The following XRN1 variants were observed in gnomAD, a reference collection of about 807,000 sequenced individuals.
The protein encoded by XRN1 is 5'-3' exoribonuclease 1.
In XRN1, 67 loss-of-function variants were observed where a neutral mutation model predicts 222.3. The ratio of observed to expected loss-of-function variants is 0.30; its 90% CI spans 0.25 to 0.37. XRN1 has a LOEUF of 0.37. Ranked by LOEUF, XRN1 falls within the 10% of genes least tolerant of loss-of-function variation. XRN1 has a pLI of 1.00. For synonymous variants in XRN1, 643 were observed against 652.4 expected (o/e 0.99, Z 0.22); for missense variants, 1,707 against 2,000.2 (o/e 0.85, Z 2.80).
In XRN1 at chr3:142,408,390, T is replaced by C. The variant is rs147375156; in HGVS notation, c.1714-3314A>G. ...CTGGGTGTGTGCAGAAAAGGTATAT[T>C]GCAGCTGAAAAGGGCTGGGAGGGTC... On this transcript the variant is annotated intron_variant, in intron 15 of 40. Transcript: ENST00000392981. Among the ~76,000 whole-genome samples the C allele has an allele frequency of 5.1e-3, 780 of 152,292 alleles. 9 individuals are homozygous for C. The highest frequency in any genetic ancestry group is 0.018 in the African/African-American group (758 of 41,574).
At chr3:142,339,976 C>T (rs1297594542) in intron 33 of XRN1, among the ~76,000 whole-genome samples, 5 of 152,162 alleles carry the variant, frequency 3.3e-5, no homozygotes, top group Admixed American at 6.5e-5. Flanking sequence ...AAAAATGCAA[C>T]TGACATACTG....
intron 12 of XRN1, 74 bp downstream of exon 12, chr3:142,418,430 A>C (rs1465119281): frequency 8.0e-7 from 1 of 1,250,868 alleles, no homozygotes. Context: ...CTACTTCATC[A>C]AAATCATATT....
At position 142,417,160 on chromosome 3, in the gene XRN1, A is replaced by G. The variant is rs117774802; in HGVS notation, c.1416T>C (p.His472=). The G allele has an allele frequency of 9.5e-4, 1,531 of 1,613,600 alleles. 32 individuals carry two copies. The East Asian group carries it at 0.031, about 33-fold the overall frequency. ...CTCACCAGCTCCAGGACTGAACTCC[A>G]TGATAGTAATAGTGCAAAATCCACT... The part of the protein sequence containing the change: ...AIQWILHYYY[H]GVQSWSWYYP... Residue 472 remains histidine (H), a synonymous_variant, in exon 13 of 41, where the codon CAT becomes CAC. Coordinates refer to ENST00000392981, the MANE Select transcript of XRN1 (RefSeq NM_001282857.2).
At chr3:142,383,172 A>G in intron 22 of XRN1, 128 bp downstream of exon 22, 1 of 748,228 alleles carries the variant, frequency 1.3e-6, no homozygotes, top group South Asian at 1.7e-5. Flanking sequence ...TGTGTTCATA[A>G]GTTACATGGA....
chr3:142,417,878 T>G, intron 12 of XRN1: 1 of 152,334 alleles, frequency 6.6e-6, no homozygotes, highest in East Asian at 1.9e-4. Context: ...AAAATATTGC[T>G]TTTTTATTAT....
In XRN1 at chr3:142,447,789, G is replaced by A; in HGVS notation, c.75+81C>T. 1 of 1,511,362 alleles carries A rather than the reference G, an allele frequency of 6.6e-7. No individual in the cohort carries two copies. The highest frequency in any genetic ancestry group is 9.1e-7 in the Non-Finnish European group (1 of 1,103,814). The allele number at this position is 1,511,362 out of a possible 1,614,324, so 93.6% of individuals were successfully genotyped here. ...GACGACGAGGGGAAAGAGGTGGCTC[G>A]AAAGCCCCAGCTCTAAGGTGGAGAG... On this transcript the variant is annotated intron_variant, in intron 1 of 40. Coordinates refer to ENST00000392981, the MANE Select transcript of XRN1 (RefSeq NM_001282857.2). This position sits in a 1 kb window ranked among gnomAD's most constrained non-coding sequence, Gnocchi z 4.2.
chr3:142,310,850 A>G lies in XRN1; in HGVS notation c.*661T>C, dbSNP rs1184148212. 1 of 152,640 alleles carries G rather than the reference A, an allele frequency of 6.6e-6. No individual in the cohort carries two copies. Among genetic ancestry groups the G allele is most frequent in the African/African-American group, 2.4e-5 (1 of 41,474 alleles). 9.5% of individuals were successfully genotyped at this position (152,640 alleles called of 1,614,324 possible). ...ATTTAGAATGCTATTTATAGTTCTA[A>G]GCAGTTAGATGAAATATTCTGATTA... On this transcript the variant is annotated 3_prime_UTR_variant, in exon 41 of 41. Coordinates refer to ENST00000392981, the MANE Select transcript of XRN1 (RefSeq NM_001282857.2).
rs925610340 is a variant in XRN1 at position 142,423,696 on chromosome 3, G to T, written c.628-54C>A. ...TATTCTCCCATTTTTAATAATATTA[G>T]GTTCACAAAAGCAATTAAAAAACAA... On this transcript the variant is annotated intron_variant, in intron 5 of 40. Transcript: ENST00000392981. 4.3e-6 allele frequency: 6 copies of T among 1,383,462 alleles called. No homozygotes were observed. In the Admixed American group the frequency reaches 1.0e-4, roughly 24 times the overall value. 85.7% of individuals were successfully genotyped at this position (1,383,462 alleles called of 1,614,324 possible).
chr3:142,315,601 T>C (rs988084347), intron 39 of XRN1, among the ~76,000 whole-genome samples: 7 of 151,460 alleles, frequency 4.6e-5, no homozygotes, highest in Admixed American at 3.9e-4. Context: ...CTCTGCCTCC[T>C]GGGTTCAAGC....
At chr3:142,331,190 T>C (rs1280019856) in intron 36 of XRN1, among the ~76,000 whole-genome samples, 2 of 152,216 alleles carry the variant, frequency 1.3e-5, no homozygotes, top group East Asian at 3.8e-4. Flanking sequence ...CTGAGAAACT[T>C]CTGCCCACAT....
At chr3:142,421,236 T>C in intron 9 of XRN1, 83 bp from the exon 10 acceptor site, 2 of 1,284,294 alleles carry the variant, frequency 1.6e-6, no homozygotes. Context: ...CAGTGACTAC[T>C]ACTGGGGTAT....
intron 37 of XRN1, among the ~76,000 whole-genome samples, chr3:142,322,447 G>A (rs2065381903): frequency 6.6e-6 from 1 of 152,160 alleles, no homozygotes; most frequent in African/African-American, 2.4e-5. Context: ...AGCACTCTGG[G>A]AGGCTGAGGC....
chr3:142,370,445 C>T (rs986028977), intron 27 of XRN1, 40 bp downstream of exon 27: 9 of 1,576,244 alleles, frequency 5.7e-6, no homozygotes, highest in Non-Finnish European at 7.7e-6. Flanking sequence ...CCATTTAATT[C>T]CAAATCTCAT....
At chr3:142,358,997 C>T (rs1195608522) in intron 30 of XRN1, among the ~76,000 whole-genome samples, 1 of 152,056 alleles carries the variant, frequency 6.6e-6, no homozygotes, top group Non-Finnish European at 1.5e-5. Context: ...CTCACAATAA[C>T]CTAGGGAAGT....
chr3:142,404,045 GT>G, intron 16 of XRN1, 56 bp from the exon 17 acceptor site: 1 of 1,406,864 alleles, frequency 7.1e-7, no homozygotes, highest in African/African-American at 1.4e-5. Flanking sequence ...AACAATTACA[GT>G]TTTTTAACTT....
intron 1 of XRN1, among the ~76,000 whole-genome samples, chr3:142,440,721 C>CCTAA (rs2070165378): frequency 6.6e-6 from 1 of 152,154 alleles, no homozygotes; most frequent in Non-Finnish European, 1.5e-5. Flanking sequence ...CCCAGCTGTA[C>CCTAA]CTAACCCTTA....
intron 20 of XRN1, among the ~76,000 whole-genome samples, chr3:142,387,207 G>C (rs759679130): frequency 1.3e-5 from 2 of 152,092 alleles, no homozygotes; most frequent in Non-Finnish European, 2.9e-5. Flanking sequence ...AAGAAATCAG[G>C]CTCAAGAAGA....
At chr3:142,429,143 TC>T (rs2069399757) in intron 2 of XRN1, among the ~76,000 whole-genome samples, 1 of 144,452 alleles carries the variant, frequency 6.9e-6, no homozygotes, top group African/African-American at 2.6e-5. Flanking sequence ...TTAGCCATAA[TC>T]TTTTTTTTTT....
intron 16 of XRN1, among the ~76,000 whole-genome samples, chr3:142,404,325 T>C (rs2068260734): frequency 6.6e-6 from 1 of 152,226 alleles, no homozygotes; most frequent in East Asian, 1.9e-4. Context: ...CATTTTATAA[T>C]GCCTGTTTTA....
Sources: gnomAD v4.1 joint callset for allele counts (sites outside exome capture counted in the v4.1 genomes callset) on GRCh38, gnomAD v4.1.1 for gene constraint, Gnocchi (gnomAD v3.1) non-coding constraint, MANE v1.5 for transcripts, NCBI Gene and HGNC (gene_info 2026-07-23, HGNC 2026-07-21) for gene names.